LAPTM5: variants seen among roughly 807,000 people sequenced by gnomAD.
LAPTM5 encodes the protein lysosomal-associated transmembrane protein 5.
A neutral mutation model predicts 30.1 loss-of-function variants in LAPTM5; 11 were observed. The observed-to-expected ratio is 0.37, with a 90% confidence interval of 0.23 to 0.60. The LOEUF (loss-of-function observed/expected upper bound fraction) is 0.60, where lower values mean the gene tolerates loss of function less well. Among genes scored for constraint, LAPTM5 ranks in the 20% least tolerant of loss-of-function variants. The pLI, the probability that LAPTM5 is intolerant of heterozygous loss-of-function variation, is 0.71. For missense variants in LAPTM5, 324 were observed against 332.5 expected (o/e 0.97, Z 0.20); for synonymous variants, 151 against 137.9 (o/e 1.10, Z -0.67).
intron 1 of LAPTM5, among the ~76,000 whole-genome samples, chr1:30,751,044 G>A (rs1640131015): frequency 6.6e-6 from 1 of 152,262 alleles, no homozygotes; most frequent in South Asian, 2.1e-4. Context: ...GTTCCAGGCT[G>A]ATGCTCTAGG....
chr1:30,733,912 G>A lies in LAPTM5; in HGVS notation c.705C>T (p.Val235=), dbSNP rs543450677. ...ACAGGGCTTCCTCGTAGGACGGCAG[G>A]ACCACCTGGGAGAGACAGAGAGATG... ...KRNSKMLQKV[V]LPSYEEALSL... is the part of the protein sequence containing the mutation. Residue 235 remains valine (V), a synonymous_variant, in exon 8 of 8, where the codon GTC becomes GTT. Coordinates refer to ENST00000294507, the MANE Select transcript of LAPTM5 (RefSeq NM_006762.3). The A allele has an allele frequency of 3.1e-6, 5 of 1,611,262 alleles. No homozygotes were observed. Among genetic ancestry groups the A allele is most frequent in the Non-Finnish European group, 3.4e-6 (4 of 1,179,452 alleles).
chr1:30,734,783 G>C (rs1430506485), intron 7 of LAPTM5, among the ~76,000 whole-genome samples: 1 of 152,158 alleles, frequency 6.6e-6, no homozygotes, highest in African/African-American at 2.4e-5. Flanking sequence ...CCAGTTAACT[G>C]TCACCTCCTC....
chr1:30,754,871 C>T (rs991493295), intron 1 of LAPTM5, among the ~76,000 whole-genome samples: 1 of 152,242 alleles, frequency 6.6e-6, no homozygotes, highest in African/African-American at 2.4e-5. Context: ...AGTCGTCACC[C>T]ATGGCTGGGT....
chr1:30,748,011 C>T (rs1178762257), intron 1 of LAPTM5, among the ~76,000 whole-genome samples: 1 of 152,002 alleles, frequency 6.6e-6, no homozygotes, highest in Non-Finnish European at 1.5e-5. Flanking sequence ...ACAAGAACCC[C>T]CGATTCTGGG....
chr1:30,742,917 T>C (rs1440491023), intron 1 of LAPTM5, among the ~76,000 whole-genome samples: 2 of 152,130 alleles, frequency 1.3e-5, no homozygotes, highest in African/African-American at 4.8e-5. Flanking sequence ...GAGTGGTAAC[T>C]GTTACTACTG....
intron 1 of LAPTM5, among the ~76,000 whole-genome samples, chr1:30,747,320 A>G (rs1375185690): frequency 6.6e-6 from 1 of 152,126 alleles, no homozygotes; most frequent in East Asian, 1.9e-4. Flanking sequence ...CTTCCCTGAG[A>G]GGAGGATGTT....
At chr1:30,749,274 C>A (rs142775655) in intron 1 of LAPTM5, among the ~76,000 whole-genome samples, 1 of 152,244 alleles carries the variant, frequency 6.6e-6, no homozygotes, top group South Asian at 2.1e-4. Flanking sequence ...TTCATTTCTA[C>A]GTAATTCTAC....
At position 30,738,928 on chromosome 1, in the gene LAPTM5, C is replaced by A. The variant is rs746801722; in HGVS notation, c.510+12G>T. The A allele has an allele frequency of 6.3e-7, 1 of 1,596,612 alleles. No homozygotes were observed. Among genetic ancestry groups the A allele is most frequent in the Non-Finnish European group, 8.5e-7 (1 of 1,171,456 alleles). Reference sequence around the variant, plus strand: ...GCCAGCAAATGGGCATGGTTCCCTGCCCCAGACTCACCATGTGGTTCATGG... The same window carrying A: ...GCCAGCAAATGGGCATGGTTCCCTGACCCAGACTCACCATGTGGTTCATGG... On this transcript the variant is annotated intron_variant, in intron 5 of 7. Transcript: ENST00000294507.
chr1:30,753,299 T>TC (rs1241588602), intron 1 of LAPTM5, among the ~76,000 whole-genome samples: 1 of 152,102 alleles, frequency 6.6e-6, no homozygotes, highest in Non-Finnish European at 1.5e-5. Flanking sequence ...GGGGCGGAAC[T>TC]CCCCATTCAT....
At chr1:30,749,447 C>G (rs1640097974) in intron 1 of LAPTM5, among the ~76,000 whole-genome samples, 2 of 152,168 alleles carry the variant, frequency 1.3e-5, no homozygotes, top group Non-Finnish European at 2.9e-5. Context: ...AAGGTGTGCA[C>G]TTAAGATAGC....
intron 5 of LAPTM5, 129 bp from the exon 6 acceptor site, chr1:30,737,828 G>A (rs1405492280): frequency 2.0e-5 from 12 of 598,788 alleles, no homozygotes; most frequent in Non-Finnish European, 3.6e-5. Context: ...CCGTCACCTT[G>A]GTCGACCGCC....
At chr1:30,751,687 C>A (rs1640140106) in intron 1 of LAPTM5, among the ~76,000 whole-genome samples, 1 of 152,078 alleles carries the variant, frequency 6.6e-6, no homozygotes, top group Admixed American at 6.6e-5. Context: ...TGCAGTGAGC[C>A]AGGATCACGC....
intron 1 of LAPTM5, among the ~76,000 whole-genome samples, chr1:30,753,836 T>C (rs2124201350): frequency 6.6e-6 from 1 of 152,298 alleles, no homozygotes; most frequent in East Asian, 1.9e-4. Context: ...ACGTTAGCAA[T>C]AGAGGAACTA....
rs79990487 is a variant in LAPTM5, at chr1:30,750,011, C to T, written c.88-7462G>A. Among the ~76,000 whole-genome samples, 462 of 152,230 alleles carry T rather than the reference C, an allele frequency of 3.0e-3. 3 individuals carry two copies. Among genetic ancestry groups the T allele is most frequent in the Non-Finnish European group, 4.9e-3 (334 of 68,010 alleles). ...AAAACCTAGAGAACCTAGACTCGGA[C>T]GGCTCAGATGGCGCTGGAGGAGGTT... On this transcript the variant is annotated intron_variant, in intron 1 of 7. Coordinates refer to ENST00000294507, the MANE Select transcript of LAPTM5 (RefSeq NM_006762.3).
chr1:30,755,648 C>T (rs1018258880), intron 1 of LAPTM5, among the ~76,000 whole-genome samples: 1 of 152,174 alleles, frequency 6.6e-6, no homozygotes. Context: ...GTGAGGACAT[C>T]GGATGGCACG....
Position 30,739,993 on chromosome 1 carries a change from C to T in LAPTM5, c.259-56G>A. 6.7e-7 allele frequency: 1 copy of T among 1,493,410 alleles called. No homozygotes were observed. Among genetic ancestry groups the T allele is most frequent in the Non-Finnish European group, 9.0e-7 (1 of 1,113,470 alleles). 92.5% of individuals were successfully genotyped at this position (1,493,410 alleles called of 1,614,324 possible). A position where few individuals can be genotyped will look rare whatever the true frequency, so the allele number is the denominator to read the frequency against. Reference sequence around the variant, plus strand: ...CCCCTGCATGCAGCCAACACTCCGCCACCCAGCCTGATATCCTCATGCATC... The same window carrying T: ...CCCCTGCATGCAGCCAACACTCCGCTACCCAGCCTGATATCCTCATGCATC... On this transcript the variant is annotated intron_variant, in intron 3 of 7. Coordinates refer to ENST00000294507, the MANE Select transcript of LAPTM5 (RefSeq NM_006762.3). This position sits in a 1 kb window ranked among gnomAD's most constrained non-coding sequence, Gnocchi z 4.2.
chr1:30,751,005 C>T (rs895622901), intron 1 of LAPTM5, among the ~76,000 whole-genome samples: 3 of 152,256 alleles, frequency 2.0e-5, no homozygotes, highest in African/African-American at 7.2e-5. Context: ...CCAACGCTCG[C>T]CTCACAGTGA....
At chr1:30,745,390 G>A (rs1640027612) in intron 1 of LAPTM5, among the ~76,000 whole-genome samples, 1 of 152,140 alleles carries the variant, frequency 6.6e-6, no homozygotes, top group African/African-American at 2.4e-5. Flanking sequence ...CAGTGCCTCA[G>A]TGGAGGCAGA....
chr1:30,749,820 A>G (rs533406351), intron 1 of LAPTM5, among the ~76,000 whole-genome samples: 3 of 152,356 alleles, frequency 2.0e-5, no homozygotes, highest in African/African-American at 7.2e-5. Flanking sequence ...CGTTCCTCTT[A>G]GTAAACTGTG....
Sources: allele counts gnomAD v4.1 joint callset (sites outside exome capture counted in the v4.1 genomes callset), GRCh38; gene constraint gnomAD v4.1.1; non-coding constraint Gnocchi (gnomAD v3.1); transcripts MANE v1.5; gene names NCBI Gene and HGNC (gene_info 2026-07-23, HGNC 2026-07-21).